HEG1: variants seen among roughly 807,000 people sequenced by gnomAD.
HEG1 encodes the protein heart development protein with EGF like domains 1.
HEG1 carries 56 observed loss-of-function variants against 125.6 expected under a neutral mutation model. That is an observed-to-expected ratio of 0.45 (90% CI 0.36 to 0.56). The LOEUF (loss-of-function observed/expected upper bound fraction) is 0.56, where lower values mean the gene tolerates loss of function less well. Ranked by LOEUF, HEG1 falls within the 20% of genes least tolerant of loss-of-function variation. The probability of loss-of-function intolerance (pLI) is 0.00; values close to 1 mark genes in which losing one functional copy is unlikely to be tolerated. For synonymous variants in HEG1, 644 were observed against 668.5 expected (o/e 0.96, Z 0.57); for missense variants, 1,523 against 1,670.0 (o/e 0.91, Z 1.53).
chr3:125,041,257 A>G (rs1239989889), intron 1 of HEG1, among the ~76,000 whole-genome samples: 2 of 152,190 alleles, frequency 1.3e-5, no homozygotes, highest in African/African-American at 4.8e-5. Flanking sequence ...TGGTGCCCCC[A>G]TCCCTCTCCA....
intron 14 of HEG1, among the ~76,000 whole-genome samples, chr3:124,981,640 G>A (rs950003030): frequency 4.6e-5 from 7 of 152,144 alleles, no homozygotes; most frequent in Admixed American, 6.5e-5. Context: ...GGACCAGACC[G>A]TGGGTAGCAC....
At position 124,973,922 on chromosome 3, in the gene HEG1, T is replaced by C; in HGVS notation, c.3822-17A>G. 6.3e-7 allele frequency: 1 copy of C among 1,582,410 alleles called. No homozygotes were observed. Among genetic ancestry groups the C allele is most frequent in the Non-Finnish European group, 8.7e-7 (1 of 1,154,348 alleles). ...TTATTCTTTCTGTGGGATACAAAAATATTTGTAAAGCTCAATTCCGTAAAG... is the reference window on the plus strand; with the variant it reads ...TTATTCTTTCTGTGGGATACAAAAACATTTGTAAAGCTCAATTCCGTAAAG... On this transcript the variant is annotated splice_polypyrimidine_tract_variant and intron_variant, in intron 15 of 16. Transcript: ENST00000311127.
intron 16 of HEG1, among the ~76,000 whole-genome samples, chr3:124,973,092 G>A (rs2107685603): frequency 6.6e-6 from 1 of 151,792 alleles, no homozygotes; most frequent in South Asian, 2.1e-4. Context: ...TGCAATCTTG[G>A]CTCACTGCAA....
At chr3:125,033,717 T>C (rs1189508540) in intron 1 of HEG1, among the ~76,000 whole-genome samples, 1 of 152,132 alleles carries the variant, frequency 6.6e-6, no homozygotes, top group Non-Finnish European at 1.5e-5. Flanking sequence ...ACCCAGGACA[T>C]GGACTGGTAG....
At chr3:125,037,052 T>C (rs1318821905) in intron 1 of HEG1, among the ~76,000 whole-genome samples, 2 of 152,234 alleles carry the variant, frequency 1.3e-5, no homozygotes, top group African/African-American at 4.8e-5. Context: ...ACAACCTAAA[T>C]TTCTACAATA....
At chr3:125,003,943 T>C (rs1402846640) in intron 9 of HEG1, among the ~76,000 whole-genome samples, 2 of 152,230 alleles carry the variant, frequency 1.3e-5, no homozygotes, top group African/African-American at 4.8e-5. Context: ...GTGACTCCTC[T>C]AGTGAATTAT....
chr3:125,043,695 C>G (rs763126153), intron 1 of HEG1, among the ~76,000 whole-genome samples: 1 of 152,104 alleles, frequency 6.6e-6, no homozygotes, highest in Non-Finnish European at 1.5e-5. Flanking sequence ...CCTCTGGACG[C>G]GAAGGCCAAG....
At chr3:125,016,992 A>T (rs551948927) in intron 5 of HEG1, among the ~76,000 whole-genome samples, 15 of 152,280 alleles carry the variant, frequency 9.9e-5, no homozygotes, top group African/African-American at 2.9e-4. Context: ...AAGACAACCC[A>T]CAGAATAGGA....
At chr3:125,006,666 T>G (rs912704963) in intron 8 of HEG1, among the ~76,000 whole-genome samples, 5 of 152,218 alleles carry the variant, frequency 3.3e-5, no homozygotes, top group African/African-American at 1.2e-4. Context: ...TCTGAAAACA[T>G]TCTTGGCCAA....
Position 125,027,213 on chromosome 3 carries a change from A to G in HEG1, c.905T>C (p.Leu302Pro). 1.3e-6 allele frequency: 2 copies of G among 1,595,812 alleles called. No individual in the cohort carries two copies. Among genetic ancestry groups the G allele is most frequent in the Admixed American group, 1.7e-5 (1 of 57,696 alleles). The stretch of plus-strand genomic sequence containing the variant: ...GGGTATGTGGCACTCACATGAGGAA[A>G]GGTCTAAGAGAGGAGAGGAAGCTGC... ...RTAASSPLLD[L>P]SSSSESTEKL... The change falls in exon 3 of 17, where the codon CTT becomes CCT. Residue 302 changes from leucine (L) to proline (P), a missense_variant. Leu to Pro is a moderately conservative substitution (Grantham distance 98). Transcript: ENST00000311127.
chr3:125,050,492 A>C (rs969824381), intron 1 of HEG1, among the ~76,000 whole-genome samples: 1 of 152,168 alleles, frequency 6.6e-6, no homozygotes, highest in South Asian at 2.1e-4. Flanking sequence ...TTTCAAAGTT[A>C]AATCAACTCC....
chr3:124,982,186 C>A (rs1223565325), intron 14 of HEG1, among the ~76,000 whole-genome samples: 1 of 152,212 alleles, frequency 6.6e-6, no homozygotes. Context: ...AGGCGTGAGC[C>A]ACTACGCCCA....
chr3:124,981,329 C>T (rs968162213), intron 14 of HEG1, among the ~76,000 whole-genome samples: 2 of 150,964 alleles, frequency 1.3e-5, no homozygotes, highest in Non-Finnish European at 2.9e-5. Flanking sequence ...TTTTCCAAGG[C>T]TCCCATGCTT....
Position 124,990,995 on chromosome 3 carries a change from C to G in HEG1, c.3653-9G>C. 6.4e-7 allele frequency: 1 copy of G among 1,554,564 alleles called. No homozygotes were observed. Among genetic ancestry groups the G allele is most frequent in the Non-Finnish European group, 8.7e-7 (1 of 1,147,702 alleles). On this transcript the variant is annotated splice_polypyrimidine_tract_variant and intron_variant, in intron 12 of 16. Transcript: ENST00000311127. ...ATATCCATCTTCACATGCTGAAAGA[C>G]AAAAGGAAAATGCATGAGTGTGTCT...
intron 14 of HEG1, among the ~76,000 whole-genome samples, chr3:124,983,072 C>G (rs146596401): frequency 1.1e-4 from 17 of 152,342 alleles, no homozygotes; most frequent in African/African-American, 4.1e-4. Flanking sequence ...TCGCTACCCC[C>G]AGCTGCTGAG....
At chr3:124,983,473 A>C (rs1248774737) in intron 14 of HEG1, among the ~76,000 whole-genome samples, 2 of 148,832 alleles carry the variant, frequency 1.3e-5, no homozygotes, top group African/African-American at 4.9e-5. Flanking sequence ...CAGCTGGGAC[A>C]CTAAGTGCAT....
chr3:124,985,929 C>T (rs1179114820), intron 14 of HEG1, among the ~76,000 whole-genome samples: 4 of 152,210 alleles, frequency 2.6e-5, no homozygotes, highest in Admixed American at 6.5e-5. Flanking sequence ...AGGCATGTGC[C>T]ACCATGCCCA....
At chr3:125,050,001 A>G (rs1937767554) in intron 1 of HEG1, among the ~76,000 whole-genome samples, 1 of 152,108 alleles carries the variant, frequency 6.6e-6, no homozygotes, top group Non-Finnish European at 1.5e-5. Flanking sequence ...CTTGTCTTCA[A>G]TGACTAGTTG....
chr3:125,007,493 T>C (rs1335187833), intron 8 of HEG1, among the ~76,000 whole-genome samples: 1 of 152,250 alleles, frequency 6.6e-6, no homozygotes, highest in Non-Finnish European at 1.5e-5. Context: ...AGAGCCATAA[T>C]TATTACTTTG....
Sources: gnomAD v4.1 joint callset for allele counts (sites outside exome capture counted in the v4.1 genomes callset) on GRCh38, gnomAD v4.1.1 for gene constraint, MANE v1.5 for transcripts, NCBI Gene and HGNC (gene_info 2026-07-23, HGNC 2026-07-21) for gene names.